Variants in KCTD1 observed in about 807,000 individuals in gnomAD.
KCTD1 encodes the protein potassium channel tetramerization domain containing 1, also known as BTB/POZ domain-containing protein KCTD1.
Under a neutral mutation model 66.0 loss-of-function variants are expected in KCTD1, and 24 were observed. The observed-to-expected ratio is 0.36, with a 90% CI of 0.26 to 0.51. The LOEUF (loss-of-function observed/expected upper bound fraction) is 0.51. Among genes scored for constraint, KCTD1 ranks in the 20% least tolerant of loss-of-function variants. The pLI, the probability that KCTD1 is intolerant of heterozygous loss-of-function variation, is 0.95. For synonymous variants in KCTD1, 511 were observed against 517.2 expected (o/e 0.99, Z 0.16); for missense variants, 943 against 1,205.2 (o/e 0.78, Z 3.22).
rs1163459315 is a variant in KCTD1, at chr18:26,620,372, A to C, written c.-16+8775T>G. Among the ~76,000 whole-genome samples the C allele has an allele frequency of 7.5e-3, 1,041 of 138,976 alleles. 45 individuals are homozygous for C. Among genetic ancestry groups the C allele is most frequent in the African/African-American group, 0.028 (990 of 35,684 alleles). 91.2% of individuals were successfully genotyped at this position (138,976 alleles called of 152,430 possible). On this transcript the variant is annotated intron_variant, in intron 1 of 4. Transcript: ENST00000317932. The stretch of plus-strand genomic sequence containing the variant: ...TTAAAAAAAAAAAAAAAAAAAAAAA[A>C]AAAAAAAAAAAAACTATAACAAGTT...
intron 1 of KCTD1, among the ~76,000 whole-genome samples, chr18:26,578,804 C>G (rs1986287712): frequency 6.6e-6 from 1 of 152,200 alleles, no homozygotes; most frequent in Non-Finnish European, 1.5e-5. Flanking sequence ...CAGTGGATGC[C>G]TTACCCCTTC....
Position 26,455,713 on chromosome 18 carries a change from T to C in KCTD1, c.*30A>G. On this transcript the variant is annotated 3_prime_UTR_variant, in exon 5 of 5. Coordinates refer to ENST00000580059, the MANE Select transcript of KCTD1 (RefSeq NM_001142730.3). ...TTGTTTGAGTTATTGGTTGTGTGTG[T>C]TTTCCTTTTTGCATAAGAAATATGT... 2 of 1,613,790 alleles carry C rather than the reference T, an allele frequency of 1.2e-6. No homozygotes were observed. The highest frequency in any genetic ancestry group is 1.7e-6 in the Non-Finnish European group (2 of 1,179,898).
At chr18:26,567,871 C>T (rs972627468) in intron 1 of KCTD1, among the ~76,000 whole-genome samples, 9 of 152,144 alleles carry the variant, frequency 5.9e-5, no homozygotes, top group Admixed American at 2.6e-4. Context: ...AAAAAAGCAG[C>T]TGTCCTTCTC....
chr18:26,487,731 G>A (rs893412196), intron 2 of KCTD1, among the ~76,000 whole-genome samples: 3 of 152,160 alleles, frequency 2.0e-5, no homozygotes, highest in African/African-American at 7.2e-5. Flanking sequence ...GGGCTTAGTC[G>A]TGGTTTATCA....
intron 1 of KCTD1, among the ~76,000 whole-genome samples, chr18:26,535,909 A>G (rs1188417559): frequency 6.9e-6 from 1 of 144,740 alleles, no homozygotes; most frequent in East Asian, 2.1e-4. Context: ...GACTTATCAA[A>G]CAGTCAGGGT....
intron 1 of KCTD1, among the ~76,000 whole-genome samples, chr18:26,601,109 T>C (rs1168927031): frequency 6.6e-6 from 1 of 152,024 alleles, no homozygotes; most frequent in African/African-American, 2.4e-5. Flanking sequence ...GAATAGGGCC[T>C]GTCTGCCCAC....
intron 1 of KCTD1, among the ~76,000 whole-genome samples, chr18:26,609,425 A>G (rs1297722427): frequency 2.6e-5 from 4 of 152,198 alleles, no homozygotes; most frequent in African/African-American, 9.6e-5. Context: ...TTAAGCACCA[A>G]ATTCAGCCCT....
intron 1 of KCTD1, among the ~76,000 whole-genome samples, chr18:26,620,925 CG>C (rs1448432346): frequency 5.9e-5 from 9 of 151,628 alleles, no homozygotes; most frequent in Non-Finnish European, 1.3e-4. Context: ...CTCCGCCTCC[CG>C]GGTTCACGCC....
At chr18:26,524,751 A>C (rs947046485) in intron 1 of KCTD1, among the ~76,000 whole-genome samples, 2 of 152,132 alleles carry the variant, frequency 1.3e-5, no homozygotes, top group African/African-American at 4.8e-5. Context: ...AAAATGGGGG[A>C]TTGGCAGTCA....
At position 26,620,171 on chromosome 18, in the gene KCTD1, C is replaced by A. The variant is rs777954644; in HGVS notation, c.-16+8976G>T. On this transcript the variant is annotated intron_variant, in intron 1 of 4. Transcript: ENST00000317932. ...CACAATGTCTGGCACAATGTAGACACTAAGATTCTGTGGAATGCGGGGACT... is the reference window on the plus strand; with the variant it reads ...CACAATGTCTGGCACAATGTAGACAATAAGATTCTGTGGAATGCGGGGACT... Among the ~76,000 whole-genome samples the A allele has an allele frequency of 3.9e-5, 6 of 152,004 alleles. No individual in the cohort carries two copies. The South Asian group carries it at 1.2e-3, about 32-fold the overall frequency.
chr18:26,617,525 A>G (rs1987281213), intron 1 of KCTD1, among the ~76,000 whole-genome samples: 1 of 152,246 alleles, frequency 6.6e-6, no homozygotes, highest in Non-Finnish European at 1.5e-5. Flanking sequence ...GGGTACTATT[A>G]TTGAGCTGAA....
At chr18:26,548,631 G>A, upstream of KCTD1, 2 of 1,155,470 alleles carry the variant, frequency 1.7e-6, no homozygotes, top group Non-Finnish European at 2.1e-6. Flanking sequence ...TCAGCTACCG[G>A]GAGGCAAAGC....
At chr18:26,481,858 T>C (rs979688874) in intron 2 of KCTD1, among the ~76,000 whole-genome samples, 53 of 151,914 alleles carry the variant, frequency 3.5e-4, no homozygotes, top group African/African-American at 1.2e-3. Context: ...GGCATCTGTA[T>C]TTTTTTTAAA....
intron 1 of KCTD1, chr18:26,599,611 G>A (rs1321173160): frequency 1.2e-5 from 18 of 1,478,810 alleles, no homozygotes; most frequent in South Asian, 6.8e-5. Context: ...GTTTAGTCCC[G>A]GGAAGCACCA....
At chr18:26,462,290 TGA>T (rs1183394940) in intron 3 of KCTD1, among the ~76,000 whole-genome samples, 1 of 152,220 alleles carries the variant, frequency 6.6e-6, no homozygotes, top group African/African-American at 2.4e-5. Context: ...TTTATTAAAG[TGA>T]GAGTCAGAAG....
intron 1 of KCTD1, among the ~76,000 whole-genome samples, chr18:26,541,281 T>C (rs1045545245): frequency 2.0e-5 from 3 of 152,184 alleles, no homozygotes; most frequent in Admixed American, 6.5e-5. Flanking sequence ...GAAATTCTCA[T>C]TGGGGGTGAA....
intron 2 of KCTD1, among the ~76,000 whole-genome samples, chr18:26,485,999 C>T (rs1219216426): frequency 6.6e-6 from 1 of 151,248 alleles, no homozygotes; most frequent in African/African-American, 2.4e-5. Context: ...CTGCAACCTC[C>T]ACCTCCCGGG....
At chr18:26,546,106 C>G (rs1043588585) in intron 1 of KCTD1, among the ~76,000 whole-genome samples, 1 of 151,962 alleles carries the variant, frequency 6.6e-6, no homozygotes, top group Non-Finnish European at 1.5e-5. Flanking sequence ...TTGCAGATAC[C>G]ACGTTCCCAC....
chr18:26,635,720 A>T (rs944706795), intron 1 of KCTD1, among the ~76,000 whole-genome samples: 4 of 152,228 alleles, frequency 2.6e-5, no homozygotes, highest in African/African-American at 9.6e-5. Context: ...TGCTGAGGTT[A>T]CTGGTACACA....
Sources: allele counts gnomAD v4.1 joint callset (sites outside exome capture counted in the v4.1 genomes callset), GRCh38; gene constraint gnomAD v4.1.1; transcripts MANE v1.5; gene names NCBI Gene and HGNC (gene_info 2026-07-23, HGNC 2026-07-21).